ROBO1: variants seen among roughly 807,000 people sequenced by gnomAD.
The protein encoded by ROBO1 is roundabout guidance receptor 1, also known as roundabout homolog 1.
Under a neutral mutation model 195.9 loss-of-function variants are expected in ROBO1, and 149 were observed. The observed-to-expected ratio is 0.76, with a 90% CI of 0.67 to 0.87. The LOEUF (loss-of-function observed/expected upper bound fraction) is 0.87. ROBO1 is among the 40% of genes least tolerant of loss of function. The pLI is 0.00. For synonymous variants in ROBO1, 816 were observed against 733.2 expected (o/e 1.11, Z -1.82); for missense variants, 1,933 against 2,068.3 (o/e 0.93, Z 1.27).
intron 1 of ROBO1, among the ~76,000 whole-genome samples, chr3:79,634,490 T>C (rs895515442): frequency 6.6e-6 from 1 of 150,524 alleles, no homozygotes; most frequent in Non-Finnish European, 1.5e-5. Flanking sequence ...TAAGGCTCTT[T>C]CTTTGACAAT....
intron 1 of ROBO1, among the ~76,000 whole-genome samples, chr3:79,660,186 G>T (rs985610190): frequency 2.6e-5 from 4 of 151,920 alleles, no homozygotes; most frequent in Non-Finnish European, 5.9e-5. Flanking sequence ...GCAAAGAGAT[G>T]TGGAAGTAAG....
intron 2 of ROBO1, among the ~76,000 whole-genome samples, chr3:79,291,919 T>G (rs1331204979): frequency 6.6e-6 from 1 of 152,194 alleles, no homozygotes; most frequent in African/African-American, 2.4e-5. Context: ...GCAAAGCTGA[T>G]TTGAGAAATT....
intron 4 of ROBO1, among the ~76,000 whole-genome samples, chr3:78,897,760 C>G (rs1189279555): frequency 6.6e-6 from 1 of 152,160 alleles, no homozygotes; most frequent in Non-Finnish European, 1.5e-5. Context: ...CATATCTAAA[C>G]AAGAAGAAAA....
intron 2 of ROBO1, among the ~76,000 whole-genome samples, chr3:79,460,170 G>A (rs919765032): frequency 1.3e-5 from 2 of 152,052 alleles, no homozygotes; most frequent in African/African-American, 4.8e-5. Flanking sequence ...GAAGTGCCTG[G>A]TTAGAAGGAA....
intron 2 of ROBO1, among the ~76,000 whole-genome samples, chr3:79,145,039 C>T (rs2108622529): frequency 6.6e-6 from 1 of 152,078 alleles, no homozygotes; most frequent in South Asian, 2.1e-4. Flanking sequence ...TGCTCTTGTA[C>T]ATCCTATTTT....
intron 3 of ROBO1, among the ~76,000 whole-genome samples, chr3:79,122,640 G>A (rs954133024): frequency 1.3e-5 from 2 of 151,908 alleles, no homozygotes; most frequent in Admixed American, 1.3e-4. Flanking sequence ...CTCGTTAAAT[G>A]GGTCAGTTTG....
chr3:78,959,408 A>G (rs1037069972), intron 3 of ROBO1, among the ~76,000 whole-genome samples: 1 of 152,244 alleles, frequency 6.6e-6, no homozygotes, highest in Non-Finnish European at 1.5e-5. Context: ...AAACTACAGT[A>G]AATTCTCTAC....
intron 2 of ROBO1, among the ~76,000 whole-genome samples, chr3:79,240,513 ATC>A (rs1026106238): frequency 3.3e-5 from 5 of 152,186 alleles, no homozygotes; most frequent in Admixed American, 1.3e-4. Flanking sequence ...CTTAAATTTT[ATC>A]TGTTTTTGAA....
At chr3:78,913,020 TATGATTTTTTGTTACG>T (rs2107546296) in intron 4 of ROBO1, among the ~76,000 whole-genome samples, 1 of 152,286 alleles carries the variant, frequency 6.6e-6, no homozygotes, top group South Asian at 2.1e-4. Context: ...GATTTTTTGA[TATGATTTTTTGTTACG>T]ACAGCTGAAA....
chr3:78,862,158 A>AC (rs1276648353), intron 4 of ROBO1, among the ~76,000 whole-genome samples: 2 of 152,070 alleles, frequency 1.3e-5, no homozygotes, highest in Admixed American at 1.3e-4. Context: ...CTTGCATTAG[A>AC]CCCCAAGATG....
At chr3:79,547,041 C>T (rs1474503665) in intron 2 of ROBO1, among the ~76,000 whole-genome samples, 10 of 151,552 alleles carry the variant, frequency 6.6e-5, no homozygotes, top group African/African-American at 2.4e-5. Context: ...CAAAATTAGC[C>T]GGGCGTGGTG....
At chr3:79,072,197 C>G (rs903046277) in intron 3 of ROBO1, among the ~76,000 whole-genome samples, 1 of 151,782 alleles carries the variant, frequency 6.6e-6, no homozygotes, top group African/African-American at 2.4e-5. Flanking sequence ...TGGGGATACA[C>G]AGAGTAAGCC....
intron 3 of ROBO1, among the ~76,000 whole-genome samples, chr3:79,030,475 A>T (rs1325082326): frequency 1.3e-5 from 2 of 152,178 alleles, no homozygotes; most frequent in Non-Finnish European, 2.9e-5. Flanking sequence ...GGTTTATGTA[A>T]GGATTATATA....
intron 4 of ROBO1, among the ~76,000 whole-genome samples, chr3:78,927,925 G>C (rs373000188): frequency 6.6e-6 from 1 of 152,108 alleles, no homozygotes; most frequent in African/African-American, 2.4e-5. Context: ...GGAATCAACC[G>C]AAGAATGAGC....
At chr3:79,085,032 C>A (rs1451361503) in intron 3 of ROBO1, among the ~76,000 whole-genome samples, 1 of 152,066 alleles carries the variant, frequency 6.6e-6, no homozygotes, top group Admixed American at 6.6e-5. Flanking sequence ...ATTTTTATAT[C>A]TCTACTTAGA....
chr3:79,004,487 A>C (rs188042329), intron 3 of ROBO1, among the ~76,000 whole-genome samples: 1 of 152,180 alleles, frequency 6.6e-6, no homozygotes, highest in Admixed American at 6.5e-5. Flanking sequence ...TGTATGCAAT[A>C]TGGCATGACT....
At chr3:78,636,297 A>C (rs1262179151) in intron 22 of ROBO1, among the ~76,000 whole-genome samples, 189 bp from the exon 23 acceptor site, 1 of 152,234 alleles carries the variant, frequency 6.6e-6, no homozygotes, top group Non-Finnish European at 1.5e-5. Context: ...TGAAAAAATA[A>C]AAGAGGGTAC....
intron 4 of ROBO1, among the ~76,000 whole-genome samples, chr3:78,923,883 T>C (rs2039072092): frequency 6.6e-6 from 1 of 152,140 alleles, no homozygotes; most frequent in African/African-American, 2.4e-5. Context: ...GTGGAATGAA[T>C]GAGCTATGTT....
chr3:78,693,147 C>A, intron 8 of ROBO1: 1 of 563,794 alleles, frequency 1.8e-6, no homozygotes, highest in Non-Finnish European at 3.0e-6. Context: ...AGTTAGCAAC[C>A]CCGTTACCTT....
Sources: gnomAD v4.1 joint callset for allele counts (sites outside exome capture counted in the v4.1 genomes callset) on GRCh38, gnomAD v4.1.1 for gene constraint, MANE v1.5 for transcripts, NCBI Gene and HGNC (gene_info 2026-07-23, HGNC 2026-07-21) for gene names.